Variants in LONP2 observed in about 807,000 individuals in gnomAD.
LONP2 encodes the protein lon protease homolog 2, peroxisomal.
A neutral mutation model predicts 85.6 loss-of-function variants in LONP2; 60 were observed. The ratio of observed to expected loss-of-function variants is 0.70; its 90% CI spans 0.57 to 0.87. The LOEUF (loss-of-function observed/expected upper bound fraction) is 0.87. Ranked by LOEUF, LONP2 falls within the 40% of genes least tolerant of loss-of-function variation. The pLI, the probability that LONP2 is intolerant of heterozygous loss-of-function variation, is 0.00. For missense variants in LONP2, 860 were observed against 1,063.5 expected, an observed-to-expected ratio of 0.81 and a Z score of 2.66; for synonymous variants, 395 against 389.7, an observed-to-expected ratio of 1.01 and a Z score of -0.16.
At chr16:48,294,473 G>T (rs1445690763) in intron 8 of LONP2, among the ~76,000 whole-genome samples, 1 of 152,182 alleles carries the variant, frequency 6.6e-6, no homozygotes, top group Non-Finnish European at 1.5e-5. Context: ...CTAGAATTAA[G>T]ACTAGCTTGG....
At chr16:48,282,373 T>G (rs868813970) in intron 8 of LONP2, among the ~76,000 whole-genome samples, 1 of 145,792 alleles carries the variant, frequency 6.9e-6, no homozygotes, top group Middle Eastern at 3.7e-3. Flanking sequence ...ATCGCACCAT[T>G]GCACTCCAGC....
Position 48,283,623 on chromosome 16 carries a change from T to TA in LONP2, c.1383+6145dup, listed in dbSNP as rs1296536250. Reference sequence around the variant, plus strand: ...GTACTTTAAGCCCACTGTTGAAACTTACCGTTCAAAAAAAATAGATTCTTT... The same window carrying TA: ...GTACTTTAAGCCCACTGTTGAAACTTAACCGTTCAAAAAAAATAGATTCTTT... On this transcript the variant is annotated intron_variant, in intron 8 of 14. Coordinates refer to ENST00000285737, the MANE Select transcript of LONP2 (RefSeq NM_031490.5). 2.0e-5 allele frequency among the ~76,000 whole-genome samples: 3 copies of TA among 152,188 alleles called. No homozygotes were observed. The East Asian group carries it at 5.8e-4, about 29-fold the overall frequency.
intron 2 of LONP2, 141 bp downstream of exon 2, chr16:48,252,506 TTTACTC>T: frequency 2.0e-6 from 1 of 511,376 alleles, no homozygotes; most frequent in South Asian, 4.2e-5. Flanking sequence ...TTAATTCTGA[TTTACTC>T]TTATCTGGGG....
chr16:48,342,883 ACAC>A (rs1302620205), intron 12 of LONP2, among the ~76,000 whole-genome samples: 1 of 152,226 alleles, frequency 6.6e-6, no homozygotes, highest in Non-Finnish European at 1.5e-5. Context: ...AGCAACCTGC[ACAC>A]CACAGCAATT....
intron 12 of LONP2, chr16:48,334,908 C>T: frequency 2.6e-6 from 1 of 390,082 alleles, no homozygotes; most frequent in Non-Finnish European, 5.1e-6. Context: ...TTTGTTGGTA[C>T]TCACTGGTGT....
At chr16:48,320,159 C>CAAAAAAA (rs80118943) in intron 11 of LONP2, among the ~76,000 whole-genome samples, 1 of 56,706 alleles carries the variant, frequency 1.8e-5, no homozygotes, top group African/African-American at 6.2e-5. Context: ...GACTCTGTCT[C>CAAAAAAA]AAAAAAAAAA....
intron 11 of LONP2, among the ~76,000 whole-genome samples, chr16:48,332,475 G>A (rs1202402741): frequency 6.6e-6 from 1 of 152,118 alleles, no homozygotes; most frequent in East Asian, 1.9e-4. Context: ...AGTTTGGGAG[G>A]CTGAGGTGGG....
intron 7 of LONP2, among the ~76,000 whole-genome samples, chr16:48,272,107 T>A (rs921041302): frequency 2.2e-4 from 34 of 152,352 alleles, no homozygotes; most frequent in African/African-American, 7.9e-4. Context: ...GATTATTTGA[T>A]AAGGCTTGGA....
At position 48,354,751 on chromosome 16, in the gene LONP2, G is replaced by T. The variant is rs1960273323; in HGVS notation, c.*2949G>T. On this transcript the variant is annotated 3_prime_UTR_variant, in exon 15 of 15. Coordinates refer to ENST00000285737, the MANE Select transcript of LONP2 (RefSeq NM_031490.5). Reference sequence around the variant, plus strand: ...CGCCCAGTGTCCTCCAGAAAAGAAAGATCTGGAGGGTCAGGCCACTCTTTT... The same window carrying T: ...CGCCCAGTGTCCTCCAGAAAAGAAATATCTGGAGGGTCAGGCCACTCTTTT... 6.6e-6 allele frequency: 1 copy of T among 152,192 alleles called. No individual in the cohort carries two copies. The highest frequency in any genetic ancestry group is 6.5e-5 in the Admixed American group (1 of 15,286). The allele number at this position is 152,192 out of a possible 1,614,324, so 9.4% of individuals were successfully genotyped here.
rs745798174 is a variant in LONP2 at position 48,262,781 on chromosome 16, CA to C, written c.898del (p.Met300CysfsTer10). On this transcript the variant is annotated frameshift_variant, in exon 6 of 15. Coordinates refer to ENST00000285737, the MANE Select transcript of LONP2 (RefSeq NM_031490.5). LOFTEE classifies it high-confidence loss of function. ...KVCVKEIKRLKKMPQSMPEYA... is the reference protein window; with the variant it reads ...KVCVKEIKRLXKMPQSMPEYA... ...GCTGTGTATTCTTTCTCCACAGACT[CA>C]AAAAAATGCCTCAGTCAATGCCAGA... The C allele has an allele frequency of 8.1e-6, 13 of 1,603,844 alleles. No individual in the cohort carries two copies. Among genetic ancestry groups the C allele is most frequent in the East Asian group, 2.2e-5 (1 of 44,628 alleles).
intron 12 of LONP2, among the ~76,000 whole-genome samples, chr16:48,341,047 AT>A (rs1003718848): frequency 1.6e-4 from 24 of 152,326 alleles, no homozygotes; most frequent in African/African-American, 5.5e-4. Context: ...CACACCTGTA[AT>A]CCCAGCACTT....
chr16:48,333,310 C>T (rs1200477139), intron 11 of LONP2, among the ~76,000 whole-genome samples: 1 of 152,172 alleles, frequency 6.6e-6, no homozygotes, highest in East Asian at 1.9e-4. Flanking sequence ...TATCAGCCAT[C>T]CAGGGCTTAT....
chr16:48,345,468 A>C (rs1959933372), intron 12 of LONP2: 1 of 152,276 alleles, frequency 6.6e-6, no homozygotes, highest in African/African-American at 2.4e-5. Context: ...TATGTCATTC[A>C]GGTATAGAGA....
intron 6 of LONP2, among the ~76,000 whole-genome samples, chr16:48,265,278 A>G (rs1181004594): frequency 6.6e-6 from 1 of 152,180 alleles, no homozygotes; most frequent in Non-Finnish European, 1.5e-5. Flanking sequence ...TCAATATCCA[A>G]AAATACCATG....
chr16:48,304,586 C>T (rs1972873264), intron 11 of LONP2, among the ~76,000 whole-genome samples: 1 of 152,104 alleles, frequency 6.6e-6, no homozygotes, highest in Non-Finnish European at 1.5e-5. Flanking sequence ...CGCCTGTAGT[C>T]CCCGCTACTC....
At chr16:48,247,889 C>G (rs954439459) in intron 1 of LONP2, among the ~76,000 whole-genome samples, 2 of 152,104 alleles carry the variant, frequency 1.3e-5, no homozygotes, top group African/African-American at 4.8e-5. Flanking sequence ...CCTCTGTCTC[C>G]CAAAGTGTTA....
At chr16:48,348,599 A>C (rs1960046551) in intron 14 of LONP2, among the ~76,000 whole-genome samples, 1 of 148,732 alleles carries the variant, frequency 6.7e-6, no homozygotes, top group Non-Finnish European at 1.5e-5. Context: ...GGCTCAAGCG[A>C]TCCTCCTGTC....
intron 11 of LONP2, among the ~76,000 whole-genome samples, chr16:48,307,544 T>C (rs1190328202): frequency 6.6e-6 from 1 of 152,212 alleles, no homozygotes; most frequent in Non-Finnish European, 1.5e-5. Flanking sequence ...ATTTATATTA[T>C]AATCAGTCCT....
chr16:48,274,338 T>TC (rs1453767839), intron 7 of LONP2, among the ~76,000 whole-genome samples: 2 of 152,090 alleles, frequency 1.3e-5, no homozygotes, highest in Non-Finnish European at 2.9e-5. Flanking sequence ...GGATTTATCG[T>TC]CTATCTCCTT....
Sources: allele counts gnomAD v4.1 joint callset (sites outside exome capture counted in the v4.1 genomes callset), GRCh38; gene constraint gnomAD v4.1.1; transcripts MANE v1.5; gene names NCBI Gene and HGNC (gene_info 2026-07-23, HGNC 2026-07-21).